Variants in NCOR1 observed in about 807,000 individuals in gnomAD.
The protein encoded by NCOR1 is protein phosphatase 1, regulatory subunit 109.
A neutral mutation model predicts 288.1 loss-of-function variants in NCOR1; 63 were observed. The observed-to-expected ratio is 0.22, with a 90% CI of 0.18 to 0.27. The LOEUF is 0.27. Among genes scored for constraint, NCOR1 ranks in the 10% least tolerant of loss-of-function variants. The probability of loss-of-function intolerance (pLI) is 1.00; values close to 1 mark genes in which losing one functional copy is unlikely to be tolerated. For missense variants in NCOR1, 2,397 were observed against 3,019.2 expected, an observed-to-expected ratio of 0.79 and a Z score of 4.83; for synonymous variants, 1,007 against 1,065.9, an observed-to-expected ratio of 0.94 and a Z score of 1.08.
intron 1 of NCOR1, among the ~76,000 whole-genome samples, chr17:16,209,653 C>A (rs535819725): frequency 1.4e-4 from 17 of 121,912 alleles, no homozygotes; most frequent in East Asian, 8.6e-4. Flanking sequence ...AAAAAAAAAA[C>A]CATAAAGAAT....
chr17:16,095,358 T>C (rs1393567085), intron 21 of NCOR1, among the ~76,000 whole-genome samples: 4 of 146,614 alleles, frequency 2.7e-5, no homozygotes, highest in East Asian at 2.1e-4. Context: ...GTGAGGAGCG[T>C]CTCCGCCCGG....
intron 40 of NCOR1, among the ~76,000 whole-genome samples, chr17:16,053,286 G>C (rs1377233156): frequency 6.6e-6 from 1 of 152,140 alleles, no homozygotes; most frequent in African/African-American, 2.4e-5. Context: ...CCCATATCTA[G>C]AAAACTCCAT....
chr17:16,148,037 A>T (rs2078265549), intron 9 of NCOR1, among the ~76,000 whole-genome samples: 1 of 152,164 alleles, frequency 6.6e-6, no homozygotes, highest in Non-Finnish European at 1.5e-5. Context: ...GGCGGGTCTC[A>T]AACTCCCGAC....
At chr17:16,100,232 TTAAA>T (rs773217448) in intron 20 of NCOR1, among the ~76,000 whole-genome samples, 36 of 152,192 alleles carry the variant, frequency 2.4e-4, no homozygotes, top group Non-Finnish European at 4.4e-4. Context: ...ATAAAATATA[TTAAA>T]TAAAGTAATA....
At chr17:16,078,423 T>G (rs1217419932) in intron 26 of NCOR1, among the ~76,000 whole-genome samples, 2 of 152,198 alleles carry the variant, frequency 1.3e-5, no homozygotes, top group Non-Finnish European at 2.9e-5. Context: ...TAAAATTTAG[T>G]CTCCTTTGGC....
Position 16,095,848 on chromosome 17 carries a change from G to A in NCOR1, c.2820+2519C>T, listed in dbSNP as rs1369195113. 4.6e-5 allele frequency among the ~76,000 whole-genome samples: 7 copies of A among 151,938 alleles called. No individual in the cohort carries two copies. The East Asian group carries it at 9.7e-4, about 21-fold the overall frequency. ...AGGTACCCAACAGCTCATTGAGAAC[G>A]GGCCATGATGACGATGGCGGTTTTG... is the stretch of plus-strand genomic sequence containing the variant. On this transcript the variant is annotated intron_variant, in intron 21 of 45. Coordinates refer to ENST00000268712, the MANE Select transcript of NCOR1 (RefSeq NM_006311.4).
At chr17:16,210,974 G>A (rs1433729819) in intron 1 of NCOR1, among the ~76,000 whole-genome samples, 3 of 151,890 alleles carry the variant, frequency 2.0e-5, no homozygotes, top group African/African-American at 4.8e-5. Context: ...CTCATGATCC[G>A]CCCACCTCGG....
At chr17:16,182,489 C>T (rs1000231161) in intron 3 of NCOR1, among the ~76,000 whole-genome samples, 2 of 152,162 alleles carry the variant, frequency 1.3e-5, no homozygotes, top group Non-Finnish European at 2.9e-5. Context: ...GAGTCTCGCT[C>T]TGTCACCCAG....
intron 21 of NCOR1, among the ~76,000 whole-genome samples, chr17:16,098,165 T>C (rs1217677900): frequency 6.6e-6 from 1 of 152,216 alleles, no homozygotes; most frequent in Non-Finnish European, 1.5e-5. Flanking sequence ...GTCCTGGGGA[T>C]CATTTTCTAA....
chr17:16,048,001 T>C (rs552118674), intron 41 of NCOR1, among the ~76,000 whole-genome samples: 2 of 152,368 alleles, frequency 1.3e-5, no homozygotes, highest in East Asian at 3.9e-4. Flanking sequence ...AGTAGCAATA[T>C]CTGTTTAGCT....
In NCOR1 at chr17:16,030,545, T is replaced by C. The variant is rs1224667273; in HGVS notation, c.*1751A>G. On this transcript the variant is annotated 3_prime_UTR_variant, in exon 46 of 46. Coordinates refer to ENST00000268712, the MANE Select transcript of NCOR1 (RefSeq NM_006311.4). Reference sequence around the variant, plus strand: ...TGAAGTGGAACATTTAGTCACTGTTTTTCATTCATTTTGAAATTTTTATAT... The same window carrying C: ...TGAAGTGGAACATTTAGTCACTGTTCTTCATTCATTTTGAAATTTTTATAT... The C allele has an allele frequency of 1.6e-5, 3 of 190,178 alleles. No individual in the cohort carries two copies. Among genetic ancestry groups the C allele is most frequent in the African/African-American group, 7.0e-5 (3 of 42,908 alleles). 11.8% of individuals were successfully genotyped at this position (190,178 alleles called of 1,614,324 possible).
chr17:16,058,356 A>C, intron 38 of NCOR1, 115 bp downstream of exon 38: 1 of 1,349,468 alleles, frequency 7.4e-7, no homozygotes, highest in Non-Finnish European at 1.0e-6. Flanking sequence ...CTCATGTAAG[A>C]TTACCCTAAA....
At chr17:16,183,857 A>T (rs768943285) in intron 3 of NCOR1, among the ~76,000 whole-genome samples, 9 of 152,216 alleles carry the variant, frequency 5.9e-5, no homozygotes, top group Non-Finnish European at 1.0e-4. Context: ...TACAGTAATC[A>T]AAACAATATG....
intron 9 of NCOR1, among the ~76,000 whole-genome samples, chr17:16,146,982 A>C (rs538193423): frequency 6.6e-6 from 1 of 152,336 alleles, no homozygotes; most frequent in African/African-American, 2.4e-5. Flanking sequence ...TGCGAAACAA[A>C]ACACACACGC....
chr17:16,029,518 C>G lies in NCOR1; in HGVS notation c.*2778G>C, dbSNP rs1251471814. On this transcript the variant is annotated 3_prime_UTR_variant, in exon 46 of 46. Coordinates refer to ENST00000268712, the MANE Select transcript of NCOR1 (RefSeq NM_006311.4). ...TCATAAACATGCAGTGGAAAACTGG[C>G]TGTCAGAATACTTTTATGAAGAGTA... is the stretch of plus-strand genomic sequence containing the variant. 4.0e-6 allele frequency: 1 copy of G among 250,858 alleles called. No homozygotes were observed. The highest frequency in any genetic ancestry group is 7.9e-6 in the Non-Finnish European group (1 of 125,894). 15.5% of individuals were successfully genotyped at this position (250,858 alleles called of 1,614,324 possible). A position where few individuals can be genotyped will look rare whatever the true frequency, so the allele number is the denominator to read the frequency against.
intron 9 of NCOR1, among the ~76,000 whole-genome samples, chr17:16,147,894 T>G (rs1278278402): frequency 6.6e-6 from 1 of 152,214 alleles, no homozygotes; most frequent in Non-Finnish European, 1.5e-5. Flanking sequence ...TCTCGCTCAC[T>G]GCAACCTCCG....
chr17:16,077,509 A>G (rs1477644808), intron 26 of NCOR1, among the ~76,000 whole-genome samples: 3 of 19,646 alleles, frequency 1.5e-4, no homozygotes, highest in African/African-American at 5.4e-4. Flanking sequence ...AGAGGGGAGG[A>G]GAGGGGAGGG....
Position 16,029,986 on chromosome 17 carries a change from G to A in NCOR1, c.*2310C>T, listed in dbSNP as rs1295898408. ...CCTTCAAATAATGCAGGAGTTAGGGGCATAGACCCCCTAAGTAGTCAAAAA... is the reference window on the plus strand; with the variant it reads ...CCTTCAAATAATGCAGGAGTTAGGGACATAGACCCCCTAAGTAGTCAAAAA... On this transcript the variant is annotated 3_prime_UTR_variant, in exon 46 of 46. Transcript: ENST00000268712. 6.0e-6 allele frequency: 1 copy of A among 165,562 alleles called. No homozygotes were observed. The highest frequency in any genetic ancestry group is 1.3e-5 in the Non-Finnish European group (1 of 75,792). The allele number at this position is 165,562 out of a possible 1,614,324, so 10.3% of individuals were successfully genotyped here.
chr17:16,095,384 G>A (rs1490747457), intron 21 of NCOR1, among the ~76,000 whole-genome samples: 1 of 151,468 alleles, frequency 6.6e-6, no homozygotes, highest in Non-Finnish European at 1.5e-5. Flanking sequence ...ACCCCGCCCG[G>A]GAGGGAGGTG....
Sources: gnomAD v4.1 joint callset for allele counts (sites outside exome capture counted in the v4.1 genomes callset) on GRCh38, gnomAD v4.1.1 for gene constraint, MANE v1.5 for transcripts, NCBI Gene and HGNC (gene_info 2026-07-23, HGNC 2026-07-21) for gene names.